The following NAA25 variants were observed in gnomAD, a reference collection of about 807,000 sequenced individuals.
NAA25 encodes N-terminal acetyltransferase B complex subunit NAA25.
In NAA25, 30 loss-of-function variants were observed where a neutral mutation model predicts 132.5. That is an observed-to-expected ratio of 0.23 (90% CI 0.17 to 0.31). NAA25 has a LOEUF of 0.31. Among genes scored for constraint, NAA25 ranks in the 10% least tolerant of loss-of-function variants. NAA25 has a pLI of 1.00. For missense variants in NAA25, 771 were observed against 1,150.4 expected, an observed-to-expected ratio of 0.67 and a Z score of 4.77; for synonymous variants, 359 against 401.9, an observed-to-expected ratio of 0.89 and a Z score of 1.28.
chr12:112,063,905 T>C (rs1444864103), intron 11 of NAA25: 1 of 152,146 alleles, frequency 6.6e-6, no homozygotes, highest in Non-Finnish European at 1.5e-5. Context: ...ATACAGTACA[T>C]GTATTTCTTC....
chr12:112,098,297 C>G (rs935886907), intron 1 of NAA25, among the ~76,000 whole-genome samples: 1 of 151,954 alleles, frequency 6.6e-6, no homozygotes, highest in Non-Finnish European at 1.5e-5. Flanking sequence ...TCTTTACTTG[C>G]GCTGGTATCA....
chr12:112,091,216 C>T (rs1379695520), intron 2 of NAA25, among the ~76,000 whole-genome samples: 1 of 148,922 alleles, frequency 6.7e-6, no homozygotes, highest in South Asian at 2.1e-4. Context: ...AGCACTCCAG[C>T]GTGGGTGACA....
chr12:112,075,032 C>A (rs2078876052), intron 8 of NAA25, among the ~76,000 whole-genome samples: 1 of 152,008 alleles, frequency 6.6e-6, no homozygotes, highest in Non-Finnish European at 1.5e-5. Context: ...GAAAAGTCCC[C>A]ACATAAGCAC....
chr12:112,059,996 C>T (rs11066142), intron 13 of NAA25, among the ~76,000 whole-genome samples: 6,222 of 151,938 alleles, frequency 0.041, 282 homozygotes, highest in African/African-American at 0.11. Context: ...TTAGTAGAGA[C>T]GAAGTTTTTT....
At chr12:112,108,621 C>A in intron 1 of NAA25, 95 bp downstream of exon 1, 1 of 1,203,694 alleles carries the variant, frequency 8.3e-7, no homozygotes, top group Non-Finnish European at 1.0e-6. Flanking sequence ...GCCCGGCCCG[C>A]GCGCCGGCCC....
In NAA25 at chr12:112,049,139, C is replaced by T. The variant is rs1460065299; in HGVS notation, c.1729-696G>A. On this transcript the variant is annotated intron_variant, in intron 15 of 23. Transcript: ENST00000261745. The surrounding 1 kb of genome is among the most constrained non-coding windows in gnomAD (Gnocchi z 4.7). ...AACAAGTATGTGAAGGGAACATTCA[C>T]CACATGTGCTTTAATTGTAGCTTAA... Among the ~76,000 whole-genome samples the T allele has an allele frequency of 6.6e-6, 1 of 152,182 alleles. No individual in the cohort carries two copies. The highest frequency in any genetic ancestry group is 1.9e-4 in the East Asian group (1 of 5,202).
In NAA25 at chr12:112,108,360, C is replaced by A. The variant is rs922307248; in HGVS notation, c.58+356G>T. Among the ~76,000 whole-genome samples, 5 of 152,378 alleles carry A rather than the reference C, an allele frequency of 3.3e-5. No homozygotes were observed. The East Asian group carries it at 9.6e-4, about 29-fold the overall frequency. ...CAGGCAGGGCGTCCCACCCTCGTGC[C>A]GGAGCCGGCTTCCACCTTCGGGGAG... is the stretch of plus-strand genomic sequence containing the variant. On this transcript the variant is annotated intron_variant, in intron 1 of 23. Coordinates refer to ENST00000261745, the MANE Select transcript of NAA25 (RefSeq NM_024953.4).
At chr12:112,044,072 C>T (rs1001571990) in intron 17 of NAA25, among the ~76,000 whole-genome samples, 15 of 151,818 alleles carry the variant, frequency 9.9e-5, no homozygotes, top group African/African-American at 2.7e-4. Flanking sequence ...GGCCTACAGG[C>T]GCCTGCCACC....
chr12:112,099,954 G>C (rs1051326381), intron 1 of NAA25, among the ~76,000 whole-genome samples: 3 of 152,138 alleles, frequency 2.0e-5, no homozygotes, highest in Non-Finnish European at 4.4e-5. Context: ...AAATAGAAGA[G>C]AGCTCCATCT....
intron 8 of NAA25, among the ~76,000 whole-genome samples, 169 bp downstream of exon 8, chr12:112,075,509 T>G (rs2078882947): frequency 6.6e-6 from 1 of 152,112 alleles, no homozygotes; most frequent in African/African-American, 2.4e-5. Context: ...ATTATAATAC[T>G]CTACTGAAAG....
intron 1 of NAA25, among the ~76,000 whole-genome samples, chr12:112,095,132 T>A (rs540181736): frequency 6.6e-6 from 1 of 151,762 alleles, no homozygotes; most frequent in African/African-American, 2.4e-5. Flanking sequence ...CAAGACACCA[T>A]CTCTAGAAAA....
intron 15 of NAA25, among the ~76,000 whole-genome samples, chr12:112,052,766 T>C (rs542195118): frequency 3.9e-5 from 6 of 152,326 alleles, no homozygotes; most frequent in African/African-American, 1.4e-4. Flanking sequence ...TAATTGCTGG[T>C]AGACCATGAG....
intron 17 of NAA25, among the ~76,000 whole-genome samples, chr12:112,044,941 T>A (rs2078357678): frequency 6.7e-6 from 1 of 150,350 alleles, no homozygotes; most frequent in African/African-American, 2.5e-5. Context: ...TAGTCCCAGC[T>A]ACTAGGGAGG....
intron 11 of NAA25, among the ~76,000 whole-genome samples, chr12:112,065,989 G>C (rs1337610288): frequency 6.6e-6 from 1 of 152,134 alleles, no homozygotes; most frequent in East Asian, 1.9e-4. Flanking sequence ...CATAGACTAG[G>C]ACTATAAACT....
At chr12:112,063,067 A>T (rs533745431) in intron 11 of NAA25, among the ~76,000 whole-genome samples, 2 of 152,234 alleles carry the variant, frequency 1.3e-5, no homozygotes, top group African/African-American at 4.8e-5. Flanking sequence ...CTCAAAAAAA[A>T]AGAAGAAAAG....
intron 14 of NAA25, 54 bp downstream of exon 14, chr12:112,054,334 G>A: frequency 1.3e-6 from 2 of 1,502,880 alleles, no homozygotes; most frequent in Non-Finnish European, 1.8e-6. Context: ...AGAGTCCTGT[G>A]TACCCCACAC....
At position 112,029,473 on chromosome 12, in the gene NAA25, T is replaced by C. The variant is rs2078121788; in HGVS notation, c.*58A>G. On this transcript the variant is annotated 3_prime_UTR_variant, in exon 24 of 24. Coordinates refer to ENST00000261745, the MANE Select transcript of NAA25 (RefSeq NM_024953.4). ...TGGTCAACCAGATGTTGCTTTTGCC[T>C]GGGAAGATGGTGTCATATTCTGTTG... 7 of 1,607,424 alleles carry C rather than the reference T, an allele frequency of 4.4e-6. No individual in the cohort carries two copies. Among genetic ancestry groups the C allele is most frequent in the South Asian group, 3.3e-5 (3 of 90,522 alleles).
At chr12:112,046,115 C>G (rs1729259210) in intron 17 of NAA25, among the ~76,000 whole-genome samples, 1 of 152,238 alleles carries the variant, frequency 6.6e-6, no homozygotes, top group Admixed American at 6.5e-5. Context: ...GAGTGACTCG[C>G]TGTGCCTAGA....
At chr12:112,093,262 G>C (rs1040825082) in intron 1 of NAA25, 126 bp from the exon 2 acceptor site, 2 of 588,000 alleles carry the variant, frequency 3.4e-6, no homozygotes, top group African/African-American at 3.8e-5. Flanking sequence ...CATGGAGGCC[G>C]GGCGTGGTGG....
Sources: allele counts gnomAD v4.1 joint callset (sites outside exome capture counted in the v4.1 genomes callset), GRCh38; gene constraint gnomAD v4.1.1; non-coding constraint Gnocchi (gnomAD v3.1); transcripts MANE v1.5; gene names NCBI Gene and HGNC (gene_info 2026-07-23, HGNC 2026-07-21).